CNTN3: variants seen among roughly 807,000 people sequenced by gnomAD.
CNTN3 encodes contactin 3.
In CNTN3, 60 loss-of-function variants were observed where a neutral mutation model predicts 119.1. The ratio of observed to expected loss-of-function variants is 0.50; its 90% CI spans 0.41 to 0.62. The LOEUF is 0.62. CNTN3 is among the 20% of genes least tolerant of loss of function. The pLI is 0.00. For missense variants in CNTN3, 1,101 were observed against 1,242.4 expected, an observed-to-expected ratio of 0.89 and a Z score of 1.71; for synonymous variants, 450 against 438.7, an observed-to-expected ratio of 1.03 and a Z score of -0.32.
intron 1 of CNTN3, among the ~76,000 whole-genome samples, chr3:74,532,982 A>G (rs2107137579): frequency 6.6e-6 from 1 of 152,134 alleles, no homozygotes; most frequent in African/African-American, 2.4e-5. Context: ...TGAAAAGGGA[A>G]TAGAAGTGAT....
chr3:74,306,980 A>G (rs1236732151), intron 13 of CNTN3, among the ~76,000 whole-genome samples: 1 of 152,088 alleles, frequency 6.6e-6, no homozygotes, highest in African/African-American at 2.4e-5. Flanking sequence ...CCCAAAGTAC[A>G]TTGGGGGAAT....
chr3:74,272,839 G>C (rs1328942661), intron 20 of CNTN3, among the ~76,000 whole-genome samples: 1 of 152,106 alleles, frequency 6.6e-6, no homozygotes, highest in African/African-American at 2.4e-5. Context: ...TTAAAAAGGA[G>C]GGTGGTCTAT....
At chr3:74,608,783 A>C (rs1398802216) in intron 1 of CNTN3, among the ~76,000 whole-genome samples, 1 of 152,232 alleles carries the variant, frequency 6.6e-6, no homozygotes, top group East Asian at 1.9e-4. Flanking sequence ...TAACATGTGC[A>C]TGCTACTCCA....
chr3:74,347,481 T>A (rs1161139344), intron 11 of CNTN3, among the ~76,000 whole-genome samples: 1 of 152,212 alleles, frequency 6.6e-6, no homozygotes, highest in Admixed American at 6.5e-5. Context: ...CCTCAAGTGA[T>A]CCTCCTGCCT....
At chr3:74,281,892 G>A (rs1262504494) in intron 20 of CNTN3, among the ~76,000 whole-genome samples, 2 of 152,186 alleles carry the variant, frequency 1.3e-5, no homozygotes, top group African/African-American at 2.4e-5. Context: ...TGTTGTTTGA[G>A]TGTCTGGATC....
At chr3:74,470,070 C>A (rs1702532302) in intron 4 of CNTN3, among the ~76,000 whole-genome samples, 1 of 152,092 alleles carries the variant, frequency 6.6e-6, no homozygotes, top group African/African-American at 2.4e-5. Context: ...AAGAACCTTA[C>A]AACAGTCATC....
At chr3:74,420,718 G>A (rs898867421) in intron 5 of CNTN3, among the ~76,000 whole-genome samples, 3 of 152,124 alleles carry the variant, frequency 2.0e-5, no homozygotes, top group African/African-American at 7.2e-5. Context: ...ATGGCAACAG[G>A]GTGCTGGTTT....
At chr3:74,342,014 A>ACTT (rs1459179154) in intron 11 of CNTN3, among the ~76,000 whole-genome samples, 25 of 152,288 alleles carry the variant, frequency 1.6e-4, no homozygotes, top group African/African-American at 5.3e-4. Context: ...TGTGTAGAAA[A>ACTT]TAACAAGGCT....
chr3:74,288,159 C>CTTTTTTTTTTTTT (rs3084509), intron 19 of CNTN3, among the ~76,000 whole-genome samples: 25 of 90,370 alleles, frequency 2.8e-4, no homozygotes, highest in African/African-American at 5.4e-4. Flanking sequence ...CTTTTCTTTT[C>CTTTTTTTTTTTTT]TTTTTTTTTT....
intron 11 of CNTN3, among the ~76,000 whole-genome samples, chr3:74,342,198 AGTATATGTTCTCATTTACAACT>A (rs1367763129): frequency 6.6e-6 from 1 of 152,174 alleles, no homozygotes; most frequent in Non-Finnish European, 1.5e-5. Context: ...AAGACCATAG[AGTATATGTTCTCATTTACAACT>A]GTATATGTTC....
chr3:74,498,413 A>G (rs1703102464), intron 3 of CNTN3, among the ~76,000 whole-genome samples: 1 of 151,778 alleles, frequency 6.6e-6, no homozygotes, highest in African/African-American at 2.4e-5. Flanking sequence ...TAACTTTCTT[A>G]TTTCTATAGA....
intron 5 of CNTN3, among the ~76,000 whole-genome samples, chr3:74,371,670 C>T (rs952341389): frequency 5.9e-5 from 9 of 152,182 alleles, no homozygotes; most frequent in African/African-American, 2.2e-4. Context: ...CTTCTCTGGT[C>T]TTGCTCAGTT....
chr3:74,283,429 C>T (rs937398364), intron 20 of CNTN3, among the ~76,000 whole-genome samples: 17 of 152,114 alleles, frequency 1.1e-4, no homozygotes, highest in Admixed American at 8.5e-4. Flanking sequence ...TCGGATTGGG[C>T]GTTTATATGC....
intron 4 of CNTN3, among the ~76,000 whole-genome samples, chr3:74,434,215 G>A (rs1701830566): frequency 3.3e-5 from 5 of 152,168 alleles, no homozygotes; most frequent in Admixed American, 3.3e-4. Flanking sequence ...CATTCTATTT[G>A]TAAAGTGGGT....
rs778405730 is a variant in CNTN3 at position 74,596,979 on chromosome 3, G to A, written c.-81+17412C>T. On this transcript the variant is annotated intron_variant, in intron 1 of 22. Transcript: ENST00000263665. The stretch of plus-strand genomic sequence containing the variant: ...AGTGAAGTATGACCAATGTTGCCCT[G>A]AAATTCAGTTGGATCCCTCCCATGT... 2.0e-5 allele frequency among the ~76,000 whole-genome samples: 3 copies of A among 152,038 alleles called. 1 individual carries two copies. The highest frequency in any genetic ancestry group is 1.3e-4 in the Admixed American group (2 of 15,252).
chr3:74,577,206 C>A (rs1386278488), intron 1 of CNTN3, among the ~76,000 whole-genome samples: 1 of 152,092 alleles, frequency 6.6e-6, no homozygotes, highest in East Asian at 1.9e-4. Context: ...GATGAATGGA[C>A]AAACTAATAT....
chr3:74,493,824 T>A (rs531727976), intron 3 of CNTN3, among the ~76,000 whole-genome samples: 1 of 152,170 alleles, frequency 6.6e-6, no homozygotes, highest in Non-Finnish European at 1.5e-5. Flanking sequence ...ACTTCAGCAA[T>A]AATTGCTAAA....
intron 13 of CNTN3, among the ~76,000 whole-genome samples, chr3:74,326,620 G>A (rs972514203): frequency 6.6e-6 from 1 of 151,718 alleles, no homozygotes; most frequent in African/African-American, 2.4e-5. Context: ...CAATTTACCT[G>A]GCATCCAAGC....
At chr3:74,312,779 A>C (rs974643965) in intron 13 of CNTN3, among the ~76,000 whole-genome samples, 1 of 152,208 alleles carries the variant, frequency 6.6e-6, no homozygotes, top group Non-Finnish European at 1.5e-5. Flanking sequence ...TTCAACAAAA[A>C]ATTACAAGGC....
Sources: gnomAD v4.1 joint callset for allele counts (sites outside exome capture counted in the v4.1 genomes callset) on GRCh38, gnomAD v4.1.1 for gene constraint, MANE v1.5 for transcripts, NCBI Gene and HGNC (gene_info 2026-07-23, HGNC 2026-07-21) for gene names.